SUPT3H: variants seen among roughly 807,000 people sequenced by gnomAD.
SUPT3H encodes the protein transcription initiation protein SPT3 homolog.
A neutral mutation model predicts 44.3 loss-of-function variants in SUPT3H; 44 were observed. The ratio of observed to expected loss-of-function variants is 0.99; its 90% CI spans 0.78 to 1.28. SUPT3H has a LOEUF of 1.28. Ranked by LOEUF, SUPT3H falls within the 50% of genes most tolerant of loss-of-function variation. The pLI, the probability that SUPT3H is intolerant of heterozygous loss-of-function variation, is 0.00. For synonymous variants in SUPT3H, 124 were observed against 125.6 expected, an observed-to-expected ratio of 0.99 and a Z score of 0.09; for missense variants, 380 against 387.1, an observed-to-expected ratio of 0.98 and a Z score of 0.15.
At chr6:44,973,141 C>T (rs1458666218) in intron 6 of SUPT3H, among the ~76,000 whole-genome samples, 2 of 152,160 alleles carry the variant, frequency 1.3e-5, no homozygotes, top group Non-Finnish European at 2.9e-5. Context: ...AACATAAGTT[C>T]CAATTCCAAA....
chr6:45,180,574 A>C (rs1318696105), intron 2 of SUPT3H, among the ~76,000 whole-genome samples: 3 of 151,136 alleles, frequency 2.0e-5, no homozygotes, highest in African/African-American at 7.3e-5. Context: ...CATATCTACA[A>C]CTATCTGATC....
At chr6:45,314,450 G>A (rs113987260) in intron 2 of SUPT3H, among the ~76,000 whole-genome samples, 12 of 152,048 alleles carry the variant, frequency 7.9e-5, no homozygotes, top group Non-Finnish European at 1.2e-4. Flanking sequence ...TAAAGTTTCC[G>A]GATACAAGAT....
chr6:45,308,878 T>G (rs993339989), intron 2 of SUPT3H, among the ~76,000 whole-genome samples: 2 of 151,090 alleles, frequency 1.3e-5, no homozygotes, highest in Non-Finnish European at 2.9e-5. Flanking sequence ...AAAACATGCA[T>G]ATAAGCTAGC....
At chr6:45,147,236 G>A (rs963809176) in intron 2 of SUPT3H, among the ~76,000 whole-genome samples, 4 of 151,878 alleles carry the variant, frequency 2.6e-5, no homozygotes, top group Non-Finnish European at 4.4e-5. Flanking sequence ...TTATATTGTC[G>A]AGATATTTAA....
At chr6:44,811,359 A>G (rs1241992131) in intron 11 of SUPT3H, among the ~76,000 whole-genome samples, 1 of 152,216 alleles carries the variant, frequency 6.6e-6, no homozygotes, top group Non-Finnish European at 1.5e-5. Context: ...GTTAGCATGC[A>G]TCATGTTAGG....
In SUPT3H at chr6:45,247,543, AG is replaced by A. The variant is rs1162285724; in HGVS notation, c.101+117657del. Among the ~76,000 whole-genome samples the A allele has an allele frequency of 9.8e-5, 15 of 152,290 alleles. 1 individual carries two copies. The East Asian group carries it at 1.7e-3, about 18-fold the overall frequency. ...TTAATAAAAAAACTCTTAAGTCTTA[AG>A]GGGGCTTTCTAGATAGAAACAATGC... On this transcript the variant is annotated intron_variant, in intron 2 of 10. Transcript: ENST00000371459.
chr6:45,057,843 C>T (rs77511807), intron 3 of SUPT3H, among the ~76,000 whole-genome samples: 2,950 of 152,134 alleles, frequency 0.019, 57 homozygotes, highest in South Asian at 0.086. Context: ...AATGTCACTT[C>T]AGTCAGTAGG....
At chr6:45,355,292 ATAAT>A (rs1373306918) in intron 2 of SUPT3H, among the ~76,000 whole-genome samples, 1 of 152,048 alleles carries the variant, frequency 6.6e-6, no homozygotes, top group African/African-American at 2.4e-5. Context: ...ATTTAATTTA[ATAAT>A]TAAGGTGTTA....
At chr6:45,256,717 T>C (rs1773472342) in intron 2 of SUPT3H, among the ~76,000 whole-genome samples, 1 of 152,184 alleles carries the variant, frequency 6.6e-6, no homozygotes, top group Non-Finnish European at 1.5e-5. Context: ...GCTTTTTTCA[T>C]TTACCATAGT....
chr6:45,229,920 A>C (rs566265585), intron 2 of SUPT3H, among the ~76,000 whole-genome samples: 1 of 152,206 alleles, frequency 6.6e-6, no homozygotes, highest in East Asian at 1.9e-4. Flanking sequence ...ATTGGAATTT[A>C]TCTATTCTAC....
chr6:45,307,578 T>C (rs889727489), intron 2 of SUPT3H, among the ~76,000 whole-genome samples: 1 of 152,232 alleles, frequency 6.6e-6, no homozygotes, highest in African/African-American at 2.4e-5. Context: ...AAAGGAAAAC[T>C]AACAAACAGA....
intron 10 of SUPT3H, among the ~76,000 whole-genome samples, chr6:44,850,720 C>T (rs1298214838): frequency 4.0e-5 from 6 of 151,148 alleles, no homozygotes; most frequent in African/African-American, 1.5e-4. Flanking sequence ...GGAAGCTGGG[C>T]TTATTTTGCT....
chr6:45,230,710 A>G (rs1463269397), intron 2 of SUPT3H, among the ~76,000 whole-genome samples: 1 of 120,574 alleles, frequency 8.3e-6, no homozygotes, highest in African/African-American at 3.0e-5. Context: ...GTCTTGCTCT[A>G]TCACCAGGCT....
At chr6:45,334,114 C>A (rs116482918) in intron 2 of SUPT3H, among the ~76,000 whole-genome samples, 2,648 of 151,234 alleles carry the variant, frequency 0.018, 50 homozygotes, top group South Asian at 0.085. Flanking sequence ...ATTGCCAATT[C>A]TCTTAATTAT....
chr6:45,245,600 C>T (rs558397794), intron 2 of SUPT3H, among the ~76,000 whole-genome samples: 22 of 152,060 alleles, frequency 1.4e-4, no homozygotes, highest in Non-Finnish European at 2.6e-4. Context: ...ATCCATGACG[C>T]AAGAAGTTCA....
chr6:45,016,215 A>G (rs1340163916), intron 4 of SUPT3H, among the ~76,000 whole-genome samples: 1 of 152,060 alleles, frequency 6.6e-6, no homozygotes, highest in Non-Finnish European at 1.5e-5. Context: ...ACATCACTTG[A>G]TAATTGGAAT....
intron 2 of SUPT3H, among the ~76,000 whole-genome samples, chr6:45,171,511 C>T (rs2153606379): frequency 6.6e-6 from 1 of 152,156 alleles, no homozygotes; most frequent in African/African-American, 2.4e-5. Context: ...AATCAAAACC[C>T]AAAACCACCA....
In SUPT3H at chr6:45,049,865, T is replaced by C. The variant is rs140219188; in HGVS notation, c.187-29233A>G. On this transcript the variant is annotated intron_variant, in intron 3 of 10. Coordinates refer to ENST00000371459, the MANE Select transcript of SUPT3H (RefSeq NM_003599.4). ...TTAAAATACAGATCAATTTGCATAA[T>C]AGTTACATAATAATATGGAAAAATT... Among the ~76,000 whole-genome samples the C allele has an allele frequency of 1.8e-4, 27 of 152,266 alleles. No individual in the cohort carries two copies. The East Asian group carries it at 5.0e-3, about 28-fold the overall frequency.
intron 2 of SUPT3H, among the ~76,000 whole-genome samples, chr6:45,128,524 A>T: frequency 1.6e-5 from 1 of 63,296 alleles, no homozygotes; most frequent in South Asian, 5.8e-4. Context: ...AAAAAAAAAA[A>T]AAAAAAAAAA....
Sources: gnomAD v4.1 joint callset for allele counts (sites outside exome capture counted in the v4.1 genomes callset) on GRCh38, gnomAD v4.1.1 for gene constraint, MANE v1.5 for transcripts, NCBI Gene and HGNC (gene_info 2026-07-23, HGNC 2026-07-21) for gene names.